The following ARHGAP10 variants were observed in gnomAD, a reference collection of about 807,000 sequenced individuals.
ARHGAP10 encodes the protein Rho GTPase activating protein 10.
In ARHGAP10, 87 loss-of-function variants were observed where a neutral mutation model predicts 108.6. The observed-to-expected ratio is 0.80, with a 90% CI of 0.67 to 0.96. The LOEUF (loss-of-function observed/expected upper bound fraction) is 0.96, where lower values mean the gene tolerates loss of function less well. ARHGAP10 is among the 40% of genes least tolerant of loss of function. The probability of loss-of-function intolerance (pLI) is 0.00; values close to 1 mark genes in which losing one functional copy is unlikely to be tolerated. For missense variants in ARHGAP10, 939 were observed against 954.5 expected (o/e 0.98, Z 0.21); for synonymous variants, 347 against 341.1 (o/e 1.02, Z -0.19).
At chr4:147,836,573 A>T (rs1733178230) in intron 3 of ARHGAP10, among the ~76,000 whole-genome samples, 1 of 152,180 alleles carries the variant, frequency 6.6e-6, no homozygotes, top group South Asian at 2.1e-4. Context: ...CCTGATTTTC[A>T]AGTTTGAACC....
chr4:147,940,083 A>G (rs749193382), intron 14 of ARHGAP10, among the ~76,000 whole-genome samples, 184 bp downstream of exon 14: 1 of 152,184 alleles, frequency 6.6e-6, no homozygotes, highest in African/African-American at 2.4e-5. Context: ...ATCAGCATAG[A>G]TTGTCTATTA....
At chr4:147,740,420 T>A (rs1301634647) in intron 1 of ARHGAP10, among the ~76,000 whole-genome samples, 1 of 152,140 alleles carries the variant, frequency 6.6e-6, no homozygotes, top group Non-Finnish European at 1.5e-5. Context: ...TGTAAAGGGG[T>A]GTAACCGTGG....
intron 1 of ARHGAP10, among the ~76,000 whole-genome samples, chr4:147,772,831 T>G (rs577206914): frequency 6.6e-6 from 1 of 152,304 alleles, no homozygotes; most frequent in Admixed American, 6.5e-5. Context: ...CAACTGGAGC[T>G]TGGTTTCCTG....
chr4:147,780,070 C>T (rs563176819), intron 1 of ARHGAP10, among the ~76,000 whole-genome samples: 55 of 152,330 alleles, frequency 3.6e-4, no homozygotes, highest in African/African-American at 1.1e-3. Flanking sequence ...TGAACACTTA[C>T]AGATTTGTTT....
At chr4:148,031,680 T>C (rs1030667769) in intron 19 of ARHGAP10, among the ~76,000 whole-genome samples, 1 of 152,208 alleles carries the variant, frequency 6.6e-6, no homozygotes, top group East Asian at 1.9e-4. Context: ...TCTTAGTTTT[T>C]CCATTTAAAA....
intron 19 of ARHGAP10, among the ~76,000 whole-genome samples, chr4:148,037,499 C>T (rs113308054): frequency 9.9e-5 from 15 of 152,178 alleles, no homozygotes; most frequent in African/African-American, 3.6e-4. Flanking sequence ...TTTGAGGAAA[C>T]AGTATGGTGC....
intron 5 of ARHGAP10, chr4:147,864,568 G>T: frequency 3.4e-6 from 1 of 295,618 alleles, no homozygotes. Flanking sequence ...AACAGAGTAG[G>T]AGTCACAAGC....
chr4:147,761,365 T>G (rs182602684), intron 1 of ARHGAP10, among the ~76,000 whole-genome samples: 2 of 152,304 alleles, frequency 1.3e-5, no homozygotes, highest in Admixed American at 6.5e-5. Flanking sequence ...AAATCTTTTC[T>G]AGGTTTTTCT....
chr4:147,858,820 A>G (rs1489765678), intron 5 of ARHGAP10, among the ~76,000 whole-genome samples: 2 of 152,214 alleles, frequency 1.3e-5, no homozygotes, highest in Non-Finnish European at 2.9e-5. Flanking sequence ...TCATTCCCCA[A>G]GTGAATTTCC....
intron 1 of ARHGAP10, among the ~76,000 whole-genome samples, chr4:147,736,150 G>GTC (rs1553944276): frequency 1.3e-4 from 20 of 152,024 alleles, no homozygotes; most frequent in African/African-American, 4.8e-4. Flanking sequence ...GTGTGTGTGT[G>GTC]TGTGAAGCTA....
chr4:147,782,267 C>T (rs1009712667), intron 1 of ARHGAP10, among the ~76,000 whole-genome samples: 1 of 151,958 alleles, frequency 6.6e-6, no homozygotes, highest in Non-Finnish European at 1.5e-5. Flanking sequence ...ATGTATTGGG[C>T]GTGTTGAACT....
At chr4:147,979,416 A>G (rs1739725004) in intron 18 of ARHGAP10, among the ~76,000 whole-genome samples, 1 of 151,688 alleles carries the variant, frequency 6.6e-6, no homozygotes. Flanking sequence ...TATATATCCT[A>G]TTTTTGTGCC....
intron 7 of ARHGAP10, among the ~76,000 whole-genome samples, chr4:147,867,529 G>C (rs1157522406): frequency 1.3e-5 from 2 of 152,172 alleles, no homozygotes; most frequent in Admixed American, 1.3e-4. Flanking sequence ...AGATGGATGG[G>C]AAGCTGTGGT....
At chr4:147,840,308 AT>A (rs898104534) in intron 3 of ARHGAP10, among the ~76,000 whole-genome samples, 4 of 151,796 alleles carry the variant, frequency 2.6e-5, no homozygotes, top group African/African-American at 7.3e-5. Flanking sequence ...AATCAGAATG[AT>A]TTTTTTTCTT....
At chr4:147,799,155 C>G (rs1731475302) in intron 1 of ARHGAP10, among the ~76,000 whole-genome samples, 1 of 151,952 alleles carries the variant, frequency 6.6e-6, no homozygotes, top group Non-Finnish European at 1.5e-5. Context: ...CTGCCTCAGT[C>G]TCCTGAGTAG....
intron 13 of ARHGAP10, among the ~76,000 whole-genome samples, chr4:147,922,468 T>A (rs528197026): frequency 7.7e-4 from 116 of 151,158 alleles, no homozygotes; most frequent in African/African-American, 2.8e-3. Context: ...GGCGGGCGGA[T>A]CACGAGGTCA....
chr4:147,858,664 G>A (rs1579124573), intron 5 of ARHGAP10, among the ~76,000 whole-genome samples: 1 of 152,240 alleles, frequency 6.6e-6, no homozygotes, highest in East Asian at 1.9e-4. Flanking sequence ...TTCTCTCCTT[G>A]TTGCATATTA....
At chr4:147,991,267 A>G (rs1300769057) in intron 18 of ARHGAP10, among the ~76,000 whole-genome samples, 1 of 152,124 alleles carries the variant, frequency 6.6e-6, no homozygotes, top group East Asian at 1.9e-4. Context: ...ATTTACTGGA[A>G]GGACCCGTGA....
intron 7 of ARHGAP10, among the ~76,000 whole-genome samples, chr4:147,871,167 C>T (rs1734810014): frequency 6.6e-6 from 1 of 152,056 alleles, no homozygotes; most frequent in South Asian, 2.1e-4. Context: ...ACCGTGTTAG[C>T]CAGGATGGTC....
Sources: gnomAD v4.1 joint callset for allele counts (sites outside exome capture counted in the v4.1 genomes callset) on GRCh38, gnomAD v4.1.1 for gene constraint, MANE v1.5 for transcripts, NCBI Gene and HGNC (gene_info 2026-07-23, HGNC 2026-07-21) for gene names.